Variants in TSACC observed in about 807,000 individuals in gnomAD.
The protein encoded by TSACC is TSSK6-activating co-chaperone protein.
In TSACC, 3 loss-of-function variants were observed where a neutral mutation model predicts 6.9. The observed-to-expected ratio is 0.43, with a 90% confidence interval of 0.20 to 1.12. The LOEUF is 1.12. Among genes scored for constraint, TSACC ranks in the 50% most tolerant of loss-of-function variants. The pLI, the probability that TSACC is intolerant of heterozygous loss-of-function variation, is 0.28. For synonymous variants in TSACC, 54 were observed against 55.1 expected (o/e 0.98, Z 0.09); for missense variants, 137 against 143.9 (o/e 0.95, Z 0.24).
At chr1:156,341,517 A>G (rs148372737) in intron 2 of TSACC, among the ~76,000 whole-genome samples, 4 of 152,278 alleles carry the variant, frequency 2.6e-5, no homozygotes, top group African/African-American at 4.8e-5. Flanking sequence ...CAATGACCCT[A>G]CTTTAAGGGT....
At chr1:156,337,939 G>A, upstream of TSACC, 4 of 585,556 alleles carry the variant, frequency 6.8e-6, no homozygotes, top group Non-Finnish European at 1.2e-5. Context: ...GTCAAGGAAA[G>A]AGGCTCGGCG....
chr1:156,339,784 C>T lies in TSACC; in HGVS notation c.27C>T (p.Asn9=), dbSNP rs754981555. 1.2e-6 allele frequency: 2 copies of T among 1,614,100 alleles called. No individual in the cohort carries two copies. Among genetic ancestry groups the T allele is most frequent in the Non-Finnish European group, 1.7e-6 (2 of 1,179,996 alleles). The change falls in exon 2 of 4, where the codon AAC becomes AAT. Residue 9 remains asparagine (N), a synonymous_variant. Coordinates refer to ENST00000368254, the MANE Select transcript of TSACC (RefSeq NM_001304817.2). Reference sequence around the variant, plus strand: ...TGGAGCGGCACACTAGTCATCCTAACAGAAAAGGTGTGTGTTGGAGGCCCT... The same window carrying T: ...TGGAGCGGCACACTAGTCATCCTAATAGAAAAGGTGTGTGTTGGAGGCCCT... The part of the protein sequence containing the change: MERHTSHP[N]RKVPAKEEAN...
In TSACC at chr1:156,346,836, CA is replaced by C. The variant is rs1360318353; in HGVS notation, c.233del (p.Gln78ArgfsTer17). 6.2e-7 allele frequency: 1 copy of C among 1,614,052 alleles called. No individual in the cohort carries two copies. Among genetic ancestry groups the C allele is most frequent in the African/African-American group, 1.3e-5 (1 of 74,900 alleles). On this transcript the variant is annotated frameshift_variant, in exon 4 of 4. Transcript: ENST00000368254. LOFTEE classifies it low-confidence loss of function (END_TRUNC). ...GTATGCAAACCTCCAGCTTCAGACC[CA>C]GCTCGCCCAACAACAGATGGCTGTT... ...CMYANLQLQT[Q>X]LAQQQMAVLE...
intron 3 of TSACC, 132 bp downstream of exon 3, chr1:156,344,840 C>T: frequency 9.2e-7 from 1 of 1,091,300 alleles, no homozygotes; most frequent in Non-Finnish European, 1.3e-6. Flanking sequence ...TCCGTGATAG[C>T]TTGTTGATTA....
chr1:156,338,550 T>G lies in TSACC; in HGVS notation c.-180T>G. ...CAGTTGGCCAGCACACCACTACGCA[T>G]GTGTGTCAACTCTAGGGTTGGGTGC... On this transcript the variant is annotated 5_prime_UTR_variant, in exon 1 of 4. The change abolishes an upstream ATG in the 5' untranslated region. Coordinates refer to ENST00000368254, the MANE Select transcript of TSACC (RefSeq NM_001304817.2). 1 of 405,188 alleles carries G rather than the reference T, an allele frequency of 2.5e-6. No homozygotes were observed. The allele number at this position is 405,188 out of a possible 1,614,324, so 25.1% of individuals were successfully genotyped here.
chr1:156,337,882 G>C (rs1665509566), upstream of TSACC: 2 of 528,366 alleles, frequency 3.8e-6, no homozygotes, highest in African/African-American at 1.9e-5. Context: ...CGTGGGGGCT[G>C]AGGGACAGAA....
At chr1:156,342,583 T>C (rs933187364) in intron 2 of TSACC, among the ~76,000 whole-genome samples, 3 of 152,280 alleles carry the variant, frequency 2.0e-5, no homozygotes, top group African/African-American at 7.2e-5. Context: ...GGCTTGTTTT[T>C]TATGAAGAGG....
chr1:156,339,513 A>G, intron 1 of TSACC, 121 bp from the exon 2 acceptor site: 1 of 473,772 alleles, frequency 2.1e-6, no homozygotes, highest in Non-Finnish European at 3.8e-6. Flanking sequence ...TCCAGAAAAA[A>G]AAGGAAGCAC....
At chr1:156,344,836 A>T (rs2274226) in intron 3 of TSACC, 128 bp downstream of exon 3, 1 of 1,134,106 alleles carries the variant, frequency 8.8e-7, no homozygotes, top group East Asian at 2.5e-5. Context: ...TCTTTCCGTG[A>T]TAGCTTGTTG....
intron 2 of TSACC, among the ~76,000 whole-genome samples, chr1:156,341,994 G>A (rs1045159382): frequency 2.0e-5 from 3 of 151,046 alleles, no homozygotes; most frequent in South Asian, 2.1e-4. Context: ...CCTGGGAGGC[G>A]GAGCTTGCAG....
At position 156,339,797 on chromosome 1, in the gene TSACC, T is replaced by G; in HGVS notation, c.34+6T>G. 1 of 1,613,638 alleles carries G rather than the reference T, an allele frequency of 6.2e-7. No homozygotes were observed. Among genetic ancestry groups the G allele is most frequent in the Non-Finnish European group, 8.5e-7 (1 of 1,179,932 alleles). On this transcript the variant is annotated splice_donor_region_variant and intron_variant, in intron 2 of 3. Transcript: ENST00000368254. ...TAGTCATCCTAACAGAAAAGGTGTG[T>G]GTTGGAGGCCCTGCTTCCCCTCCCT...
At chr1:156,346,315 AG>A (rs1405968739) in intron 3 of TSACC, among the ~76,000 whole-genome samples, 2 of 152,102 alleles carry the variant, frequency 1.3e-5, no homozygotes, top group African/African-American at 4.8e-5. Flanking sequence ...GAGGAGGCTG[AG>A]GTATCCCCTG....
intron 3 of TSACC, among the ~76,000 whole-genome samples, chr1:156,346,108 T>A (rs1429106715): frequency 6.7e-6 from 1 of 149,462 alleles, no homozygotes; most frequent in Non-Finnish European, 1.5e-5. Flanking sequence ...GCAGGAGAAT[T>A]GCTTGAACCC....
rs566750094 is a variant in TSACC, at chr1:156,343,814, C to T, written c.35-766C>T. On this transcript the variant is annotated intron_variant, in intron 2 of 3. Coordinates refer to ENST00000368254, the MANE Select transcript of TSACC (RefSeq NM_001304817.2). Reference sequence around the variant, plus strand: ...GGAGTGCAGTGTTGTGATCTCGGCTCGCTGCAATCTCTGCCTCCCGGGTTC... The same window carrying T: ...GGAGTGCAGTGTTGTGATCTCGGCTTGCTGCAATCTCTGCCTCCCGGGTTC... Among the ~76,000 whole-genome samples, 7 of 152,102 alleles carry T rather than the reference C, an allele frequency of 4.6e-5. No homozygotes were observed. In the South Asian group the frequency reaches 6.2e-4, roughly 14 times the overall value.
At chr1:156,344,198 C>T (rs1666043191) in intron 2 of TSACC, among the ~76,000 whole-genome samples, 2 of 152,164 alleles carry the variant, frequency 1.3e-5, no homozygotes, top group Admixed American at 1.3e-4. Flanking sequence ...ATTTTCACCC[C>T]AGACTCAGAC....
intron 2 of TSACC, among the ~76,000 whole-genome samples, chr1:156,342,582 T>G (rs1665958735): frequency 1.3e-5 from 2 of 152,266 alleles, no homozygotes; most frequent in Admixed American, 6.5e-5. Context: ...AGGCTTGTTT[T>G]TTATGAAGAG....
chr1:156,338,673 C>T (rs1489373973), intron 1 of TSACC, 68 bp downstream of exon 1: 1 of 165,886 alleles, frequency 6.0e-6, no homozygotes, highest in Non-Finnish European at 1.3e-5. Context: ...AAAGGCTTCA[C>T]AGTTCCCACT....
chr1:156,345,892 T>C (rs1270668719), intron 3 of TSACC, among the ~76,000 whole-genome samples: 3 of 136,880 alleles, frequency 2.2e-5, no homozygotes, highest in Non-Finnish European at 3.1e-5. Context: ...AAAAGAAAAA[T>C]ATTAGAAAAA....
chr1:156,338,259 G>A, upstream of TSACC: 5 of 1,500,674 alleles, frequency 3.3e-6, no homozygotes, highest in South Asian at 2.4e-5. Flanking sequence ...GAACCAGACA[G>A]AAGCCCAGAA....
Sources: allele counts gnomAD v4.1 joint callset (sites outside exome capture counted in the v4.1 genomes callset), GRCh38; gene constraint gnomAD v4.1.1; transcripts MANE v1.5; gene names NCBI Gene and HGNC (gene_info 2026-07-23, HGNC 2026-07-21).